Variants in IGFBP5 observed in about 807,000 individuals in gnomAD.
The protein encoded by IGFBP5 is insulin like growth factor binding protein 5, also known as insulin-like growth factor-binding protein 5.
A neutral mutation model predicts 28.0 loss-of-function variants in IGFBP5; 12 were observed. That is an observed-to-expected ratio of 0.43 (90% CI 0.27 to 0.69). IGFBP5 has a LOEUF of 0.69. Among genes scored for constraint, IGFBP5 ranks in the 30% least tolerant of loss-of-function variants. IGFBP5 has a pLI of 0.20. For missense variants in IGFBP5, 344 were observed against 381.6 expected (o/e 0.90, Z 0.82); for synonymous variants, 152 against 150.2 (o/e 1.01, Z -0.09).
In IGFBP5 at chr2:216,694,907, G is replaced by A; in HGVS notation, c.-132C>T. Reference sequence around the variant, plus strand: ...TTAAAATTTCTGGCAGGTAGAGCAGGTGCCCTCCCCCAGACACTTGCAAAA... The same window carrying A: ...TTAAAATTTCTGGCAGGTAGAGCAGATGCCCTCCCCCAGACACTTGCAAAA... On this transcript the variant is annotated 5_prime_UTR_variant, in exon 1 of 4. Transcript: ENST00000233813. This position sits in a 1 kb window ranked among gnomAD's most constrained non-coding sequence, Gnocchi z 5.2. 1 of 578,636 alleles carries A rather than the reference G, an allele frequency of 1.7e-6. No homozygotes were observed. Among genetic ancestry groups the A allele is most frequent in the Non-Finnish European group, 2.6e-6 (1 of 378,208 alleles). 35.8% of individuals were successfully genotyped at this position (578,636 alleles called of 1,614,324 possible). A position where few individuals can be genotyped will look rare whatever the true frequency, so the allele number is the denominator to read the frequency against.
intron 1 of IGFBP5, among the ~76,000 whole-genome samples, chr2:216,693,362 A>G (rs967824066): frequency 8.0e-6 from 1 of 124,778 alleles, no homozygotes; most frequent in African/African-American, 3.0e-5. Flanking sequence ...CGCCCCCTGA[A>G]TTTTGCATTC....
Position 216,695,053 on chromosome 2 carries a change from G to A in IGFBP5, c.-278C>T. On this transcript the variant is annotated 5_prime_UTR_variant, in exon 1 of 4. Coordinates refer to ENST00000233813, the MANE Select transcript of IGFBP5 (RefSeq NM_000599.4). ...AGGTGCACGCAGTGAGCGGAGGCCG[G>A]AGAAACCCTCAAGCCTGAGCGGGTC... 3.0e-6 allele frequency: 1 copy of A among 335,016 alleles called. No individual in the cohort carries two copies. Among genetic ancestry groups the A allele is most frequent in the Non-Finnish European group, 5.4e-6 (1 of 185,988 alleles). 20.8% of individuals were successfully genotyped at this position (335,016 alleles called of 1,614,324 possible). A position where few individuals can be genotyped will look rare whatever the true frequency, so the allele number is the denominator to read the frequency against.
At chr2:216,689,443 C>T (rs1322149073) in intron 1 of IGFBP5, among the ~76,000 whole-genome samples, 1 of 152,198 alleles carries the variant, frequency 6.6e-6, no homozygotes, top group East Asian at 1.9e-4. Flanking sequence ...TGGCCCTCTC[C>T]ACTTTGGGGC....
intron 1 of IGFBP5, among the ~76,000 whole-genome samples, chr2:216,682,803 G>A (rs562740446): frequency 6.6e-6 from 1 of 152,068 alleles, no homozygotes; most frequent in African/African-American, 2.4e-5. Context: ...CCGCCTCCTG[G>A]GTTTACGCCA....
rs1349964782 is a variant in IGFBP5 at position 216,672,412 on chromosome 2, T to C, written c.*4339A>G. On this transcript the variant is annotated 3_prime_UTR_variant, in exon 4 of 4. Transcript: ENST00000233813. ...TAAAGATTATCATCGTTTATTTTTGTTTTTAAAGTTGAAAACAAAAAAGAG... is the reference window on the plus strand; with the variant it reads ...TAAAGATTATCATCGTTTATTTTTGCTTTTAAAGTTGAAAACAAAAAAGAG... 6.6e-6 allele frequency: 1 copy of C among 151,592 alleles called. No homozygotes were observed. The highest frequency in any genetic ancestry group is 1.5e-5 in the Non-Finnish European group (1 of 67,888). The allele number at this position is 151,592 out of a possible 1,614,324, so 9.4% of individuals were successfully genotyped here.
rs1432312199 is a variant in IGFBP5 at position 216,672,527 on chromosome 2, A to T, written c.*4224T>A. On this transcript the variant is annotated 3_prime_UTR_variant, in exon 4 of 4. Coordinates refer to ENST00000233813, the MANE Select transcript of IGFBP5 (RefSeq NM_000599.4). ...GGTTATTGCTGTCTTCAAAAAAAAAAAGAAAAAGAAAAACAACAACAACAA... is the reference window on the plus strand; with the variant it reads ...GGTTATTGCTGTCTTCAAAAAAAAATAGAAAAAGAAAAACAACAACAACAA... The T allele has an allele frequency of 1.3e-5, 2 of 151,952 alleles. No individual in the cohort carries two copies. The highest frequency in any genetic ancestry group is 4.9e-5 in the African/African-American group (2 of 41,158). The allele number at this position is 151,952 out of a possible 1,614,324, so 9.4% of individuals were successfully genotyped here. A position where few individuals can be genotyped will look rare whatever the true frequency, so the allele number is the denominator to read the frequency against.
Sources: gnomAD v4.1 joint callset for allele counts (sites outside exome capture counted in the v4.1 genomes callset) on GRCh38, gnomAD v4.1.1 for gene constraint, Gnocchi (gnomAD v3.1) non-coding constraint, MANE v1.5 for transcripts, NCBI Gene and HGNC (gene_info 2026-07-23, HGNC 2026-07-21) for gene names.